The following KDR variants were observed in gnomAD, a reference collection of about 807,000 sequenced individuals.
The protein encoded by KDR is kinase insert domain receptor.
In KDR, 43 loss-of-function variants were observed where a neutral mutation model predicts 160.9. The observed-to-expected ratio is 0.27, with a 90% CI of 0.21 to 0.34. The LOEUF (loss-of-function observed/expected upper bound fraction) is 0.34, where lower values mean the gene tolerates loss of function less well. Among genes scored for constraint, KDR ranks in the 10% least tolerant of loss-of-function variants. KDR has a pLI of 1.00. For missense variants in KDR, 1,469 were observed against 1,666.4 expected, an observed-to-expected ratio of 0.88 and a Z score of 2.06; for synonymous variants, 617 against 600.1, an observed-to-expected ratio of 1.03 and a Z score of -0.41.
chr4:55,088,414 A>G (rs1461194034), intron 26 of KDR, among the ~76,000 whole-genome samples: 1 of 152,226 alleles, frequency 6.6e-6, no homozygotes, highest in African/African-American at 2.4e-5. Flanking sequence ...TAACATTCTA[A>G]TAGTAAACAC....
At chr4:55,084,976 A>G (rs1319932312) in intron 27 of KDR, among the ~76,000 whole-genome samples, 2 of 152,204 alleles carry the variant, frequency 1.3e-5, no homozygotes, top group Non-Finnish European at 2.9e-5. Context: ...GGCTGCCCCA[A>G]GCATCAATCT....
chr4:55,102,429 C>T lies in KDR; in HGVS notation c.2067G>A (p.Thr689=), dbSNP rs370083230. The change falls in exon 14 of 30, where the codon ACG becomes ACA. Residue 689 remains threonine (T), a synonymous_variant. Coordinates refer to ENST00000263923, the MANE Select transcript of KDR (RefSeq NM_002253.4). The part of the protein sequence containing the change: ...SIGESIEVSC[T]ASGNPPPQIM... ...TCTGTGGAGGGGGATTCCCAGATGC[C>T]GTGCATGAGACTTCGATGCTTTCCC... 1.3e-5 allele frequency: 21 copies of T among 1,613,568 alleles called. No individual in the cohort carries two copies. The highest frequency in any genetic ancestry group is 3.3e-5 in the Admixed American group (2 of 59,980).
intron 7 of KDR, among the ~76,000 whole-genome samples, chr4:55,112,135 T>A (rs1489527465): frequency 6.6e-6 from 1 of 152,172 alleles, no homozygotes; most frequent in African/African-American, 2.4e-5. Context: ...TCAATTTAAT[T>A]CCAGTTCAAT....
At chr4:55,082,435 C>G in intron 28 of KDR, 101 bp downstream of exon 28, 3 of 897,850 alleles carry the variant, frequency 3.3e-6, no homozygotes, top group Non-Finnish European at 5.5e-6. Context: ...GGGCAGCCTT[C>G]TAATGAGGCT....
rs200767530 is a variant in KDR, at chr4:55,110,506, C to T, written c.1152G>A (p.Thr384=). The T allele has an allele frequency of 5.2e-5, 84 of 1,613,888 alleles. No homozygotes were observed. The highest frequency in any genetic ancestry group is 1.7e-4 in the Admixed American group (10 of 59,986). ...TGTCTCTTTCACTCACTTCCATAAT[C>T]GTCAGTACATGCCCCGCTTTAATTG... ...NHTIKAGHVL[T]IMEVSERDTG... Residue 384 remains threonine, a synonymous_variant, in exon 9 of 30, where the codon ACG becomes ACA. Coordinates refer to ENST00000263923, the MANE Select transcript of KDR (RefSeq NM_002253.4).
chr4:55,098,982 A>AATTTATTTATTTATTT (rs71930411), intron 15 of KDR, among the ~76,000 whole-genome samples, 179 bp from the exon 16 acceptor site: 3 of 142,956 alleles, frequency 2.1e-5, no homozygotes, highest in South Asian at 2.3e-4. Flanking sequence ...TTTTGAATTT[A>AATTTATTTATTTATTT]ATTTATTTAT....
chr4:55,083,212 G>A lies in KDR; in HGVS notation c.3663-577C>T, dbSNP rs190562960. 2.0e-4 allele frequency among the ~76,000 whole-genome samples: 30 copies of A among 152,176 alleles called. No individual in the cohort carries two copies. In the East Asian group the frequency reaches 4.1e-3, roughly 21 times the overall value. On this transcript the variant is annotated intron_variant, in intron 27 of 29. Coordinates refer to ENST00000263923, the MANE Select transcript of KDR (RefSeq NM_002253.4). The stretch of plus-strand genomic sequence containing the variant: ...TGAGTCTCACTGTCCCCTCGTTTTC[G>A]CCCCCAGAGTTGCTGTCTCAGGAAA...
intron 1 of KDR, among the ~76,000 whole-genome samples, chr4:55,124,098 T>G (rs1720966656): frequency 6.6e-6 from 1 of 152,212 alleles, no homozygotes; most frequent in Admixed American, 6.5e-5. Flanking sequence ...CAAGTCATTA[T>G]AAAGAAAATT....
intron 9 of KDR, among the ~76,000 whole-genome samples, chr4:55,109,467 C>T (rs956916620): frequency 2.0e-5 from 3 of 152,032 alleles, no homozygotes; most frequent in Non-Finnish European, 2.9e-5. Context: ...AGGGAAGCAC[C>T]TTAATGTCAT....
chr4:55,092,804 C>T, intron 21 of KDR, 90 bp from the exon 22 acceptor site: 3 of 919,252 alleles, frequency 3.3e-6, no homozygotes, highest in Non-Finnish European at 5.3e-6. Flanking sequence ...CTTTTTAAGA[C>T]TTGGGAGTTA....
At chr4:55,104,468 A>G (rs1479040359) in intron 13 of KDR, 175 bp downstream of exon 13, 4 of 656,686 alleles carry the variant, frequency 6.1e-6, no homozygotes, top group Non-Finnish European at 1.1e-5. Flanking sequence ...TCCTTTCGAT[A>G]TATCATTTCA....
intron 29 of KDR, among the ~76,000 whole-genome samples, chr4:55,081,108 A>G (rs1004116941): frequency 6.6e-6 from 1 of 152,236 alleles, no homozygotes; most frequent in Non-Finnish European, 1.5e-5. Context: ...GAAACATATC[A>G]TTGACTTTCA....
intron 3 of KDR, among the ~76,000 whole-genome samples, chr4:55,117,446 T>C (rs932613806): frequency 3.9e-5 from 6 of 152,200 alleles, no homozygotes; most frequent in Non-Finnish European, 7.3e-5. Context: ...TTTCAAATCT[T>C]GTGGAGGGAA....
rs755067067 is a variant in KDR, at chr4:55,102,506, G to A, written c.1990C>T (p.Arg664Cys). Residue 664 changes from arginine to cysteine, a missense_variant and splice_region_variant, in exon 14 of 30, where the codon CGT becomes TGT. Physicochemically the swap from Arg to Cys is radical, Grantham distance 180 (BLOSUM62 -3). This residue lies in a region of KDR where 792 missense variants were observed against 840.9 expected (regional missense o/e 0.94). Transcript: ENST00000263923. The part of the protein sequence containing the change: ...CVVRQLTVLE[R>C]VAPTITGNLE... ...TTTCCTGTGATCGTGGGTGCCACAC[G>A]CTCTAGACACACAAAAAGAAAATCA... 16 of 1,613,488 alleles carry A rather than the reference G, an allele frequency of 9.9e-6. No homozygotes were observed. The highest frequency in any genetic ancestry group is 2.7e-5 in the African/African-American group (2 of 74,848).
At position 55,079,641 on chromosome 4, in the gene KDR, G is replaced by A; in HGVS notation, c.*300C>T. On this transcript the variant is annotated 3_prime_UTR_variant, in exon 30 of 30. Transcript: ENST00000263923. ...TTCTTTGAGGATGGGGCCATTTCTTGAACGTCTTTGTTCTAAACCCATGGT... is the reference window on the plus strand; with the variant it reads ...TTCTTTGAGGATGGGGCCATTTCTTAAACGTCTTTGTTCTAAACCCATGGT... 2.2e-6 allele frequency: 1 copy of A among 457,236 alleles called. No homozygotes were observed. Among genetic ancestry groups the A allele is most frequent in the African/African-American group, 1.9e-5 (1 of 51,504 alleles). 28.3% of individuals were successfully genotyped at this position (457,236 alleles called of 1,614,324 possible). A position where few individuals can be genotyped will look rare whatever the true frequency, so the allele number is the denominator to read the frequency against.
At position 55,105,937 on chromosome 4, in the gene KDR, C is replaced by A; in HGVS notation, c.1540G>T (p.Val514Leu). Residue 514 changes from valine to leucine, a missense_variant, in exon 12 of 30, where the codon GTA becomes TTA. By Grantham distance (32) the Val-to-Leu change is conservative. Coordinates refer to ENST00000263923, the MANE Select transcript of KDR (RefSeq NM_002253.4). ...GCCGCTTGGATAACAAGGGTACTTACAGTCTGTGCGGGGAAAAAACAAATC... is the reference window on the plus strand; with the variant it reads ...GCCGCTTGGATAACAAGGGTACTTAAAGTCTGTGCGGGGAAAAAACAAATC... ...FALIEGKNKTVSTLVIQAANV... is the reference protein window; with the variant it reads ...FALIEGKNKTLSTLVIQAANV... 6.2e-7 allele frequency: 1 copy of A among 1,607,858 alleles called. No homozygotes were observed. The highest frequency in any genetic ancestry group is 8.5e-7 in the Non-Finnish European group (1 of 1,174,410).
At chr4:55,118,846 G>T (rs747932100) in intron 2 of KDR, 46 bp from the exon 3 acceptor site, 66 of 1,489,534 alleles carry the variant, frequency 4.4e-5, no homozygotes, top group Non-Finnish European at 5.8e-5. Context: ...GTGCCAGACT[G>T]TGAGGCTATT....
chr4:55,079,660 C>T lies in KDR; in HGVS notation c.*281G>A. 1 of 501,278 alleles carries T rather than the reference C, an allele frequency of 2.0e-6. No individual in the cohort carries two copies. The highest frequency in any genetic ancestry group is 2.1e-5 in the South Asian group (1 of 47,136). The allele number at this position is 501,278 out of a possible 1,614,324, so 31.1% of individuals were successfully genotyped here. ...TTTCTTGAACGTCTTTGTTCTAAAC[C>T]CATGGTGAGACCCGCAGCAGGGGGC... On this transcript the variant is annotated 3_prime_UTR_variant, in exon 30 of 30. Transcript: ENST00000263923.
intron 27 of KDR, 29 bp from the exon 28 acceptor site, chr4:55,082,664 G>A (rs2110006069): frequency 6.4e-7 from 1 of 1,564,324 alleles, no homozygotes; most frequent in Non-Finnish European, 8.8e-7. Context: ...TTATATTTTA[G>A]TGGTGGTATA....
Sources: allele counts gnomAD v4.1 joint callset (sites outside exome capture counted in the v4.1 genomes callset), GRCh38; gene constraint gnomAD v4.1.1; regional missense constraint gnomAD v4.1.1; transcripts MANE v1.5; gene names NCBI Gene and HGNC (gene_info 2026-07-23, HGNC 2026-07-21).